GRIA4: variants seen among roughly 807,000 people sequenced by gnomAD.
The protein encoded by GRIA4 is glutamate receptor 4.
Under a neutral mutation model 104.0 loss-of-function variants are expected in GRIA4, and 34 were observed. The ratio of observed to expected loss-of-function variants is 0.33; its 90% CI spans 0.25 to 0.44. The LOEUF is 0.44. Ranked by LOEUF, GRIA4 falls within the 20% of genes least tolerant of loss-of-function variation. The probability of loss-of-function intolerance (pLI) is 1.00; values close to 1 mark genes in which losing one functional copy is unlikely to be tolerated. For synonymous variants in GRIA4, 386 were observed against 381.9 expected (o/e 1.01, Z -0.13); for missense variants, 750 against 1,096.5 (o/e 0.68, Z 4.46).
At chr11:105,711,044 A>C (rs540494917) in intron 3 of GRIA4, among the ~76,000 whole-genome samples, 2 of 152,252 alleles carry the variant, frequency 1.3e-5, no homozygotes, top group Admixed American at 1.3e-4. Context: ...CAAGGTAGTG[A>C]ATCATTGCTA....
chr11:105,755,756 C>A (rs1940271375), intron 4 of GRIA4, among the ~76,000 whole-genome samples: 1 of 152,108 alleles, frequency 6.6e-6, no homozygotes, highest in South Asian at 2.1e-4. Flanking sequence ...CCATTGAAGG[C>A]CTAAATAGAA....
intron 6 of GRIA4, among the ~76,000 whole-genome samples, chr11:105,897,082 A>G (rs1034044596): frequency 6.6e-5 from 10 of 151,970 alleles, no homozygotes; most frequent in Non-Finnish European, 1.2e-4. Flanking sequence ...TCTATGATTT[A>G]TTTCATCAGT....
At chr11:105,979,449 A>G in intron 16 of GRIA4, 126 bp from the exon 17 acceptor site, 2 of 828,506 alleles carry the variant, frequency 2.4e-6, no homozygotes, top group Non-Finnish European at 3.9e-6. Context: ...TATGACCAAA[A>G]GAACATGGAA....
At chr11:105,870,518 C>A (rs1945574742) in intron 5 of GRIA4, among the ~76,000 whole-genome samples, 1 of 149,004 alleles carries the variant, frequency 6.7e-6, no homozygotes, top group African/African-American at 2.5e-5. Context: ...AGAACACAAT[C>A]AAATAACGCA....
At chr11:105,681,445 TG>T (rs1952707819) in intron 3 of GRIA4, among the ~76,000 whole-genome samples, 1 of 152,220 alleles carries the variant, frequency 6.6e-6, no homozygotes, top group African/African-American at 2.4e-5. Flanking sequence ...TAAGAAAACA[TG>T]AATGCTTATG....
intron 3 of GRIA4, among the ~76,000 whole-genome samples, chr11:105,697,646 T>G (rs1953331631): frequency 6.6e-6 from 1 of 152,166 alleles, no homozygotes; most frequent in Admixed American, 6.5e-5. Context: ...CCTTCATACA[T>G]CCACTCATTC....
chr11:105,765,250 G>C (rs1940878538), intron 4 of GRIA4, among the ~76,000 whole-genome samples: 1 of 152,146 alleles, frequency 6.6e-6, no homozygotes, highest in African/African-American at 2.4e-5. Context: ...GAAATAATCA[G>C]AGTTTTTCTT....
intron 10 of GRIA4, among the ~76,000 whole-genome samples, chr11:105,911,458 A>C (rs1947232457): frequency 6.6e-6 from 1 of 151,886 alleles, no homozygotes. Flanking sequence ...TTAAATCTTT[A>C]TGGAAACCTT....
intron 3 of GRIA4, among the ~76,000 whole-genome samples, chr11:105,624,121 T>C (rs1373991187): frequency 2.0e-5 from 3 of 152,150 alleles, no homozygotes; most frequent in Non-Finnish European, 4.4e-5. Context: ...TTTTTTCTCA[T>C]TTGTTTCCAT....
chr11:105,678,944 G>T (rs1483925388), intron 3 of GRIA4, among the ~76,000 whole-genome samples: 1 of 151,984 alleles, frequency 6.6e-6, no homozygotes, highest in East Asian at 1.9e-4. Flanking sequence ...GAATCAGAAT[G>T]CCCTAAAAAA....
chr11:105,797,255 A>G (rs922978721), intron 4 of GRIA4, among the ~76,000 whole-genome samples: 1 of 152,070 alleles, frequency 6.6e-6, no homozygotes, highest in African/African-American at 2.4e-5. Context: ...GAAAAAAAGG[A>G]AATAGTATAG....
chr11:105,965,075 G>T (rs775697672), intron 14 of GRIA4, among the ~76,000 whole-genome samples: 8 of 151,998 alleles, frequency 5.3e-5, no homozygotes, highest in Non-Finnish European at 1.2e-4. Flanking sequence ...CCAAAGTGCT[G>T]GGATTACAGG....
chr11:105,925,518 G>C (rs1055370379), intron 12 of GRIA4, among the ~76,000 whole-genome samples: 4 of 152,026 alleles, frequency 2.6e-5, no homozygotes, highest in Non-Finnish European at 5.9e-5. Flanking sequence ...CTATATATTA[G>C]CATCACAAAT....
At chr11:105,701,763 A>G (rs1953502462) in intron 3 of GRIA4, among the ~76,000 whole-genome samples, 1 of 152,188 alleles carries the variant, frequency 6.6e-6, no homozygotes, top group Admixed American at 6.6e-5. Flanking sequence ...AAAATGCAGA[A>G]GAACAAATGA....
At chr11:105,701,067 C>A (rs557628341) in intron 3 of GRIA4, among the ~76,000 whole-genome samples, 1 of 152,246 alleles carries the variant, frequency 6.6e-6, no homozygotes, top group African/African-American at 2.4e-5. Context: ...TGAAACCTCT[C>A]TCCAATTTTG....
intron 4 of GRIA4, among the ~76,000 whole-genome samples, chr11:105,861,742 C>T (rs999032851): frequency 2.6e-5 from 4 of 152,044 alleles, no homozygotes; most frequent in African/African-American, 9.7e-5. Context: ...GGGTTTGTCT[C>T]ATCAAAAAAA....
At position 105,667,588 on chromosome 11, in the gene GRIA4, C is replaced by A. The variant is rs982691661; in HGVS notation, c.247+55154C>A. On this transcript the variant is annotated intron_variant, in intron 3 of 16. Coordinates refer to ENST00000282499, the MANE Select transcript of GRIA4 (RefSeq NM_000829.4). Reference sequence around the variant, plus strand: ...TTTACTTTTCAAATACAAGAGGATTCATAAACAACCTGAGTACAACTATAA... The same window carrying A: ...TTTACTTTTCAAATACAAGAGGATTAATAAACAACCTGAGTACAACTATAA... Among the ~76,000 whole-genome samples, 9 of 152,096 alleles carry A rather than the reference C, an allele frequency of 5.9e-5. No homozygotes were observed. In the East Asian group the frequency reaches 1.7e-3, roughly 29 times the overall value.
intron 3 of GRIA4, among the ~76,000 whole-genome samples, chr11:105,696,275 G>T (rs1256495981): frequency 5.3e-5 from 8 of 152,144 alleles, no homozygotes; most frequent in Admixed American, 4.6e-4. Flanking sequence ...TGCCCTTAAA[G>T]TAGGACTTCT....
At chr11:105,932,224 T>C (rs2136208905) in intron 13 of GRIA4, among the ~76,000 whole-genome samples, 1 of 152,172 alleles carries the variant, frequency 6.6e-6, no homozygotes, top group South Asian at 2.1e-4. Context: ...CTGCAGCCTC[T>C]GCCTCCCAGG....
Sources: gnomAD v4.1 joint callset for allele counts (sites outside exome capture counted in the v4.1 genomes callset) on GRCh38, gnomAD v4.1.1 for gene constraint, MANE v1.5 for transcripts, NCBI Gene and HGNC (gene_info 2026-07-23, HGNC 2026-07-21) for gene names.